Variants in TCF7L2 observed in about 807,000 individuals in gnomAD.
The protein encoded by TCF7L2 is transcription factor 7-like 2.
In TCF7L2, 23 loss-of-function variants were observed where a neutral mutation model predicts 77.9. The ratio of observed to expected loss-of-function variants is 0.30; its 90% CI spans 0.21 to 0.42. The LOEUF (loss-of-function observed/expected upper bound fraction) is 0.42, where lower values mean the gene tolerates loss of function less well. Ranked by LOEUF, TCF7L2 falls within the 10% of genes least tolerant of loss-of-function variation. The probability of loss-of-function intolerance (pLI) is 1.00; values close to 1 mark genes in which losing one functional copy is unlikely to be tolerated. For synonymous variants in TCF7L2, 413 were observed against 340.2 expected (o/e 1.21, Z -2.36); for missense variants, 654 against 793.1 (o/e 0.82, Z 2.11).
At chr10:113,144,373 A>G (rs1375599925) in intron 7 of TCF7L2, among the ~76,000 whole-genome samples, 1 of 152,174 alleles carries the variant, frequency 6.6e-6, no homozygotes, top group East Asian at 1.9e-4. Flanking sequence ...GAAGCTGGTC[A>G]TGACCCTTCT....
intron 4 of TCF7L2, among the ~76,000 whole-genome samples, chr10:113,005,747 A>G (rs1405234028): frequency 3.3e-5 from 5 of 152,114 alleles, no homozygotes; most frequent in Admixed American, 1.3e-4. Flanking sequence ...GTTTGTCCTC[A>G]TCGTTATCCC....
chr10:113,148,599 A>C (rs1002632880), intron 8 of TCF7L2, among the ~76,000 whole-genome samples: 5 of 152,210 alleles, frequency 3.3e-5, no homozygotes, highest in African/African-American at 1.2e-4. Context: ...GACAGCCAGA[A>C]ACAAAAATTA....
rs74157221 is a variant in TCF7L2, at chr10:113,118,664, G to T, written c.553-22520G>T. 2.9e-3 allele frequency among the ~76,000 whole-genome samples: 197 copies of T among 68,216 alleles called. 1 individual carries two copies. In the East Asian group the frequency reaches 0.033, roughly 11 times the overall value. The allele number at this position is 68,216 out of a possible 152,430, so 44.8% of individuals were successfully genotyped here. On this transcript the variant is annotated intron_variant, in intron 5 of 13. Coordinates refer to ENST00000627217, the MANE Select transcript of TCF7L2 (RefSeq NM_001146274.2). ...GGAAGTTTTTTTTTTGTTTTTTTTT[G>T]TTTTTTTTTTTTTGTTTTTTTTATT...
At chr10:113,126,454 T>C (rs1000134022) in intron 5 of TCF7L2, among the ~76,000 whole-genome samples, 4 of 152,204 alleles carry the variant, frequency 2.6e-5, no homozygotes, top group Admixed American at 6.5e-5. Context: ...CTTTGGACTA[T>C]TGAAATTGCC....
At chr10:113,129,348 G>A (rs935429682) in intron 5 of TCF7L2, 17 of 987,612 alleles carry the variant, frequency 1.7e-5, no homozygotes, top group African/African-American at 1.7e-5. Context: ...TACTCTTAGC[G>A]GCAGCTCTGT....
At chr10:113,061,178 C>A (rs1285943406) in intron 5 of TCF7L2, among the ~76,000 whole-genome samples, 2 of 152,094 alleles carry the variant, frequency 1.3e-5, no homozygotes, top group African/African-American at 4.8e-5. Context: ...CTCATGGCTT[C>A]TTTCAGTGAC....
chr10:113,014,902 T>G (rs1349613365), intron 4 of TCF7L2, among the ~76,000 whole-genome samples: 5 of 151,776 alleles, frequency 3.3e-5, no homozygotes, highest in African/African-American at 1.2e-4. Context: ...AATTCTGAAG[T>G]TTTGGCTGGC....
chr10:113,111,359 C>T (rs1056420439), intron 5 of TCF7L2, among the ~76,000 whole-genome samples: 1 of 152,144 alleles, frequency 6.6e-6, no homozygotes, highest in African/African-American at 2.4e-5. Context: ...CAGAGCCAGG[C>T]ATGAAATAGG....
chr10:113,008,434 C>A (rs906474706), intron 4 of TCF7L2, among the ~76,000 whole-genome samples: 1 of 152,200 alleles, frequency 6.6e-6, no homozygotes, highest in African/African-American at 2.4e-5. Context: ...TCTTGAGACC[C>A]TGATGATATC....
At chr10:112,986,763 G>T (rs2041621682) in intron 4 of TCF7L2, among the ~76,000 whole-genome samples, 1 of 152,156 alleles carries the variant, frequency 6.6e-6, no homozygotes, top group Non-Finnish European at 1.5e-5. Context: ...GAAGTGTCAT[G>T]TTTGAGAACC....
chr10:113,072,447 C>T (rs2058149303), intron 5 of TCF7L2, among the ~76,000 whole-genome samples: 2 of 151,600 alleles, frequency 1.3e-5, no homozygotes, highest in African/African-American at 2.4e-5. Context: ...TTGCGCCTCC[C>T]GGGTTCAAGC....
rs139039229 is a variant in TCF7L2, at chr10:112,998,702, G to A, written c.450+34078G>A. On this transcript the variant is annotated intron_variant, in intron 4 of 13. Transcript: ENST00000627217. ...CAGATAACTAGGAAAAGGTTAGAGGGGCCCTGGACACAGGCCTGTGTGACT... is the reference window on the plus strand; with the variant it reads ...CAGATAACTAGGAAAAGGTTAGAGGAGCCCTGGACACAGGCCTGTGTGACT... Among the ~76,000 whole-genome samples the A allele has an allele frequency of 6.2e-3, 939 of 152,264 alleles. 9 individuals are homozygous for A. The highest frequency in any genetic ancestry group is 0.021 in the African/African-American group (871 of 41,548).
intron 4 of TCF7L2, among the ~76,000 whole-genome samples, chr10:112,982,510 G>A (rs1390733559): frequency 6.6e-6 from 1 of 152,140 alleles, no homozygotes; most frequent in African/African-American, 2.4e-5. Context: ...GCTTACAAGT[G>A]GTGATATATT....
At chr10:112,964,507 T>TG (rs1175144346) in intron 3 of TCF7L2, 49 bp from the exon 4 acceptor site, 1 of 1,557,644 alleles carries the variant, frequency 6.4e-7, no homozygotes, top group Admixed American at 1.7e-5. Context: ...GATGTTTTCT[T>TG]GTAGTTTGTG....
intron 5 of TCF7L2, among the ~76,000 whole-genome samples, chr10:113,061,050 T>C (rs1442019469): frequency 5.3e-5 from 8 of 152,202 alleles, no homozygotes; most frequent in African/African-American, 1.9e-4. Context: ...ACGATCAAAC[T>C]TGATGTGTGC....
intron 5 of TCF7L2, among the ~76,000 whole-genome samples, chr10:113,067,572 GA>G (rs2057414386): frequency 6.6e-6 from 1 of 152,196 alleles, no homozygotes; most frequent in African/African-American, 2.4e-5. Context: ...GATTTCATAA[GA>G]AGTAGTGCTA....
intron 5 of TCF7L2, among the ~76,000 whole-genome samples, chr10:113,083,259 G>GACACACACAC (rs10649541): frequency 0.034 from 4,858 of 143,392 alleles, 136 homozygotes; most frequent in African/African-American, 0.068. Context: ...TATACTGATA[G>GACACACACAC]ACACACACAC....
intron 5 of TCF7L2, among the ~76,000 whole-genome samples, chr10:113,084,018 T>C (rs1005485917): frequency 3.6e-4 from 55 of 152,322 alleles, no homozygotes; most frequent in African/African-American, 1.3e-3. Context: ...TTTCTAAGAC[T>C]CATTTCATTT....
intron 13 of TCF7L2, chr10:113,161,646 G>C: frequency 6.5e-7 from 1 of 1,534,252 alleles, no homozygotes; most frequent in Non-Finnish European, 8.7e-7. Context: ...TGTTTGTAGT[G>C]CCTCCCTCGT....
Sources: allele counts gnomAD v4.1 joint callset (sites outside exome capture counted in the v4.1 genomes callset), GRCh38; gene constraint gnomAD v4.1.1; transcripts MANE v1.5; gene names NCBI Gene and HGNC (gene_info 2026-07-23, HGNC 2026-07-21).